The following SPTBN1 variants were observed in gnomAD, a reference collection of about 807,000 sequenced individuals.
SPTBN1 encodes the protein spectrin beta, non-erythrocytic 1.
In SPTBN1, 32 loss-of-function variants were observed where a neutral mutation model predicts 266.4. The observed-to-expected ratio is 0.12, with a 90% confidence interval of 0.09 to 0.16. SPTBN1 has a LOEUF of 0.16. SPTBN1 is among the 10% of genes least tolerant of loss of function. The probability of loss-of-function intolerance (pLI) is 1.00; values close to 1 mark genes in which losing one functional copy is unlikely to be tolerated. For synonymous variants in SPTBN1, 1,336 were observed against 1,162.2 expected, an observed-to-expected ratio of 1.15 and a Z score of -3.04; for missense variants, 2,296 against 3,067.1, an observed-to-expected ratio of 0.75 and a Z score of 5.94.
chr2:54,563,621 T>G (rs1233082497), intron 2 of SPTBN1, among the ~76,000 whole-genome samples: 27 of 72,312 alleles, frequency 3.7e-4, no homozygotes, highest in Non-Finnish European at 2.0e-4. Context: ...TTTTTTTTTT[T>G]GAGACGGGGT....
intron 1 of SPTBN1, among the ~76,000 whole-genome samples, chr2:54,467,449 C>T (rs538386924): frequency 1.4e-4 from 21 of 152,304 alleles, no homozygotes; most frequent in South Asian, 4.2e-4. Flanking sequence ...GGCTGGAGTG[C>T]GATGGCGCGA....
chr2:54,642,388 A>G (rs1419299503), intron 18 of SPTBN1, among the ~76,000 whole-genome samples: 1 of 152,188 alleles, frequency 6.6e-6, no homozygotes, highest in Non-Finnish European at 1.5e-5. Flanking sequence ...GGCTATAGAA[A>G]AAGAGGTGAA....
At position 54,626,247 on chromosome 2, in the gene SPTBN1, C is replaced by T. The variant is rs756190101; in HGVS notation, c.1644+13C>T. 3.5e-5 allele frequency: 57 copies of T among 1,607,756 alleles called. No individual in the cohort carries two copies. The highest frequency in any genetic ancestry group is 1.7e-4 in the Middle Eastern group (1 of 6,022). The stretch of plus-strand genomic sequence containing the variant: ...GGATGAAATGAAGGTAAAACCTGAC[C>T]GAAAGGAAGGACGACAGAGCTGATC... On this transcript the variant is annotated intron_variant, in intron 12 of 35. Coordinates refer to ENST00000356805, the MANE Select transcript of SPTBN1 (RefSeq NM_003128.3). This position sits in a 1 kb window ranked among gnomAD's most constrained non-coding sequence, Gnocchi z 4.7.
chr2:54,568,763 A>C (rs934377019), intron 2 of SPTBN1, among the ~76,000 whole-genome samples: 1 of 152,242 alleles, frequency 6.6e-6, no homozygotes, highest in Non-Finnish European at 1.5e-5. Context: ...ATTATTCCAG[A>C]ATTTCAGCAT....
intron 1 of SPTBN1, among the ~76,000 whole-genome samples, chr2:54,513,855 T>A (rs1429376940): frequency 6.6e-6 from 1 of 152,206 alleles, no homozygotes; most frequent in Non-Finnish European, 1.5e-5. Flanking sequence ...TTTAGTTGGT[T>A]CAAGTTAGGT....
intron 1 of SPTBN1, among the ~76,000 whole-genome samples, chr2:54,495,459 T>C (rs926292127): frequency 2.6e-5 from 4 of 152,210 alleles, no homozygotes; most frequent in Non-Finnish European, 1.5e-5. Flanking sequence ...AACTGCAGAC[T>C]ACATTGGAAT....
rs375278092 is a variant in SPTBN1 at position 54,566,723 on chromosome 2, C to T, written c.149-32369C>T. On this transcript the variant is annotated intron_variant, in intron 2 of 35. Transcript: ENST00000356805. ...GTACACGCCTGTAGTCCCAGCTACT[C>T]GGGAGGCTGAGGCATGAGAATTGCT... Among the ~76,000 whole-genome samples, 84 of 151,918 alleles carry T rather than the reference C, an allele frequency of 5.5e-4. No homozygotes were observed. The East Asian group carries it at 0.011, about 20-fold the overall frequency.
In SPTBN1 at chr2:54,567,973, T is replaced by C. The variant is rs368916910; in HGVS notation, c.149-31119T>C. ...AACCTTGTTATTCAGTATAGATAGA[T>C]GACTTGGGGTTTGTTGGAAATACAG... On this transcript the variant is annotated intron_variant, in intron 2 of 35. Coordinates refer to ENST00000356805, the MANE Select transcript of SPTBN1 (RefSeq NM_003128.3). Among the ~76,000 whole-genome samples, 24 of 152,312 alleles carry C rather than the reference T, an allele frequency of 1.6e-4. No homozygotes were observed. The East Asian group carries it at 4.6e-3, about 29-fold the overall frequency.
At chr2:54,553,193 T>C (rs1400093821) in intron 2 of SPTBN1, among the ~76,000 whole-genome samples, 2 of 152,100 alleles carry the variant, frequency 1.3e-5, no homozygotes, top group African/African-American at 2.4e-5. Context: ...AAGGACTAGG[T>C]TTTTAACAGA....
chr2:54,485,002 G>A (rs1312790930), intron 1 of SPTBN1, among the ~76,000 whole-genome samples: 1 of 150,018 alleles, frequency 6.7e-6, no homozygotes, highest in Non-Finnish European at 1.5e-5. Flanking sequence ...AAATGTTTAT[G>A]AAAGACAGTG....
intron 2 of SPTBN1, among the ~76,000 whole-genome samples, chr2:54,590,584 C>G (rs560126679): frequency 6.6e-6 from 1 of 152,312 alleles, no homozygotes; most frequent in African/African-American, 2.4e-5. Flanking sequence ...TGATTGCTGA[C>G]ATCTGATAGG....
Position 54,631,491 on chromosome 2 carries a change from C to T in SPTBN1, c.3444C>T (p.Asp1148=), listed in dbSNP as rs1678728529. The T allele has an allele frequency of 1.9e-6, 3 of 1,614,108 alleles. No individual in the cohort carries two copies. The highest frequency in any genetic ancestry group is 1.1e-5 in the South Asian group (1 of 91,090). The change falls in exon 16 of 36, where the codon GAC becomes GAT. Residue 1148 remains aspartate, a synonymous_variant. Transcript: ENST00000356805. ...TGCGGCAGCGGCTGCAGGCCCTGGA[C>T]ACTGGATGGAACGAGCTCCACAAGA... The part of the protein sequence containing the change: ...MFLRQRLQAL[D]TGWNELHKMW...
At chr2:54,514,965 A>G (rs1670042594) in intron 1 of SPTBN1, among the ~76,000 whole-genome samples, 1 of 152,236 alleles carries the variant, frequency 6.6e-6, no homozygotes. Context: ...CCACAACATT[A>G]GAAAATATGG....
At chr2:54,573,549 A>T (rs1276610417) in intron 2 of SPTBN1, among the ~76,000 whole-genome samples, 1 of 151,890 alleles carries the variant, frequency 6.6e-6, no homozygotes, top group African/African-American at 2.4e-5. Flanking sequence ...GGGGTTGGGG[A>T]CCCCTGACTC....
rs978013570 is a variant in SPTBN1 at position 54,522,413 on chromosome 2, C to G, written c.-47-3959C>G. Among the ~76,000 whole-genome samples the G allele has an allele frequency of 3.3e-5, 5 of 151,748 alleles. No individual in the cohort carries two copies. In the East Asian group the frequency reaches 9.7e-4, roughly 29 times the overall value. Reference sequence around the variant, plus strand: ...TGTGAGGCCAAAGCAAGCAGATTACCCGAGTTCAGGAGTTTGAGACTAGCC... The same window carrying G: ...TGTGAGGCCAAAGCAAGCAGATTACGCGAGTTCAGGAGTTTGAGACTAGCC... On this transcript the variant is annotated intron_variant, in intron 1 of 35. Transcript: ENST00000356805.
Position 54,540,582 on chromosome 2 carries a change from C to T in SPTBN1, c.148+14016C>T, listed in dbSNP as rs1671874347. The T allele has an allele frequency of 6.6e-6, 1 of 152,170 alleles. No homozygotes were observed. Among genetic ancestry groups the T allele is most frequent in the Non-Finnish European group, 1.5e-5 (1 of 68,040 alleles). 9.4% of individuals were successfully genotyped at this position (152,170 alleles called of 1,614,324 possible). On this transcript the variant is annotated intron_variant, in intron 2 of 35. Coordinates refer to ENST00000356805, the MANE Select transcript of SPTBN1 (RefSeq NM_003128.3). The surrounding 1 kb of genome is among the most constrained non-coding windows in gnomAD (Gnocchi z 5.6). ...CACTGGGATGTTTCTGGAGCTCTTC[C>T]CCCTTTGCCTCTTTACCTTCCATGT...
Position 54,583,561 on chromosome 2 carries a change from C to G in SPTBN1, c.149-15531C>G, listed in dbSNP as rs192089150. Among the ~76,000 whole-genome samples the G allele has an allele frequency of 2.0e-5, 3 of 152,228 alleles. No individual in the cohort carries two copies. In the East Asian group the frequency reaches 5.8e-4, roughly 29 times the overall value. On this transcript the variant is annotated intron_variant, in intron 2 of 35. Transcript: ENST00000356805. ...CTACTCCCCTGGCATCCTGTAGACCCCAGTGTTTCTTCAGTGAATGTCACT... is the reference window on the plus strand; with the variant it reads ...CTACTCCCCTGGCATCCTGTAGACCGCAGTGTTTCTTCAGTGAATGTCACT...
chr2:54,618,174 T>C lies in SPTBN1; in HGVS notation c.744T>C (p.Thr248=), dbSNP rs371063846. The change falls in exon 7 of 36, where the codon ACT becomes ACC. Residue 248 remains threonine, a synonymous_variant. Coordinates refer to ENST00000356805, the MANE Select transcript of SPTBN1 (RefSeq NM_003128.3). ...TGGCAGAACAGCACCTCGGCCTCAC[T>C]AAACTGTTGGACCCCGAAGGTAGGG... ...FNLAEQHLGL[T]KLLDPEDISV... The C allele has an allele frequency of 1.9e-6, 3 of 1,614,046 alleles. No homozygotes were observed. Among genetic ancestry groups the C allele is most frequent in the Non-Finnish European group, 2.5e-6 (3 of 1,180,006 alleles).
Position 54,669,860 on chromosome 2 carries a change from G to A in SPTBN1, c.*1291G>A, listed in dbSNP as rs1418119667. ...AAACAGTAATAAATGTGACTGTTTT[G>A]TAGTTATACATTCAGGCTTTATCTT... On this transcript the variant is annotated 3_prime_UTR_variant, in exon 36 of 36. Coordinates refer to ENST00000356805, the MANE Select transcript of SPTBN1 (RefSeq NM_003128.3). 5.9e-5 allele frequency: 9 copies of A among 152,190 alleles called. No individual in the cohort carries two copies. Among genetic ancestry groups the A allele is most frequent in the Non-Finnish European group, 4.4e-5 (3 of 68,036 alleles). The allele number at this position is 152,190 out of a possible 1,614,324, so 9.4% of individuals were successfully genotyped here.
Sources: allele counts gnomAD v4.1 joint callset (sites outside exome capture counted in the v4.1 genomes callset), GRCh38; gene constraint gnomAD v4.1.1; non-coding constraint Gnocchi (gnomAD v3.1); transcripts MANE v1.5; gene names NCBI Gene and HGNC (gene_info 2026-07-23, HGNC 2026-07-21).